Variants in RPH3A observed in about 807,000 individuals in gnomAD.
RPH3A encodes the protein rabphilin-3A.
Under a neutral mutation model 102.2 loss-of-function variants are expected in RPH3A, and 48 were observed. The observed-to-expected ratio is 0.47, with a 90% confidence interval of 0.37 to 0.60. The LOEUF (loss-of-function observed/expected upper bound fraction) is 0.60, where lower values mean the gene tolerates loss of function less well. RPH3A is among the 20% of genes least tolerant of loss of function. RPH3A has a pLI of 0.00. For missense variants in RPH3A, 781 were observed against 910.1 expected, an observed-to-expected ratio of 0.86 and a Z score of 1.83; for synonymous variants, 310 against 324.3, an observed-to-expected ratio of 0.96 and a Z score of 0.47.
At chr12:112,847,946 T>G in intron 5 of RPH3A, 104 bp downstream of exon 5, 1 of 1,327,946 alleles carries the variant, frequency 7.5e-7, no homozygotes, top group Non-Finnish European at 1.0e-6. Flanking sequence ...GGGCTGCCTC[T>G]GGGCTTTGCC....
chr12:112,586,292 G>T (rs2039438830), intron 1 of RPH3A, among the ~76,000 whole-genome samples: 1 of 152,150 alleles, frequency 6.6e-6, no homozygotes. Flanking sequence ...TCTTCTACCT[G>T]CAGGGAAGGC....
chr12:112,631,880 C>T (rs1365796120), intron 1 of RPH3A, among the ~76,000 whole-genome samples: 1 of 152,102 alleles, frequency 6.6e-6, no homozygotes, highest in Non-Finnish European at 1.5e-5. Context: ...GGATATATTG[C>T]ATATGGTGAA....
chr12:112,789,188 G>A (rs113048523), upstream of RPH3A, among the ~76,000 whole-genome samples: 7,087 of 152,184 alleles, frequency 0.047, 208 homozygotes, highest in Middle Eastern at 0.071. Flanking sequence ...TTTATTGAGG[G>A]TTTCCTATGT....
intron 1 of RPH3A, among the ~76,000 whole-genome samples, chr12:112,758,622 C>T (rs1277767781): frequency 1.3e-5 from 2 of 152,168 alleles, no homozygotes; most frequent in African/African-American, 4.8e-5. Flanking sequence ...CATAATTTTA[C>T]CAATAAATGA....
chr12:112,731,085 G>T (rs2040630611), intron 1 of RPH3A, among the ~76,000 whole-genome samples: 1 of 152,160 alleles, frequency 6.6e-6, no homozygotes, highest in African/African-American at 2.4e-5. Flanking sequence ...TGTTAGAGTT[G>T]GCTGTGTTTT....
In RPH3A at chr12:112,755,379, G is replaced by A. The variant is rs549767626; in HGVS notation, c.-139-36764G>A. ...TTGTTAAATACACACATATGTGTCC[G>A]TTTAAGTACTGTTGAGTTATTGGCC... is the stretch of plus-strand genomic sequence containing the variant. On this transcript the variant is annotated intron_variant, in intron 1 of 21. Transcript: ENST00000543106. Among the ~76,000 whole-genome samples the A allele has an allele frequency of 1.3e-3, 197 of 151,418 alleles. 10 individuals carry two copies. The South Asian group carries it at 0.04, about 31-fold the overall frequency.
chr12:112,875,631 AT>A, intron 11 of RPH3A, 47 bp from the exon 12 acceptor site: 1 of 1,520,562 alleles, frequency 6.6e-7, no homozygotes, highest in Non-Finnish European at 9.1e-7. Flanking sequence ...CCCCCAAATG[AT>A]GCCACCCTCT....
chr12:112,683,181 AC>A (rs1165860101), intron 1 of RPH3A, among the ~76,000 whole-genome samples: 22 of 152,142 alleles, frequency 1.4e-4, no homozygotes, highest in Non-Finnish European at 2.6e-4. Context: ...GGGGGTGGTT[AC>A]GGGCCGAACT....
chr12:112,845,541 A>T (rs1484433126), intron 4 of RPH3A, among the ~76,000 whole-genome samples: 1 of 152,222 alleles, frequency 6.6e-6, no homozygotes, highest in Non-Finnish European at 1.5e-5. Context: ...CACCAGGATC[A>T]CAATGAATTC....
chr12:112,889,308 C>T (rs1393491717), intron 17 of RPH3A, among the ~76,000 whole-genome samples: 1 of 152,224 alleles, frequency 6.6e-6, no homozygotes, highest in East Asian at 1.9e-4. Context: ...ATGGCCAGGC[C>T]CTTGCCTGTG....
At chr12:112,592,769 C>T (rs2039488884) in intron 1 of RPH3A, among the ~76,000 whole-genome samples, 1 of 152,194 alleles carries the variant, frequency 6.6e-6, no homozygotes, top group Non-Finnish European at 1.5e-5. Flanking sequence ...AATAATGTTC[C>T]TCAGGTGGTC....
intron 1 of RPH3A, among the ~76,000 whole-genome samples, chr12:112,662,174 G>A (rs971739746): frequency 1.3e-5 from 2 of 152,120 alleles, no homozygotes; most frequent in Admixed American, 6.5e-5. Flanking sequence ...GGTCTACCAC[G>A]TATTGAGTGC....
intron 1 of RPH3A, among the ~76,000 whole-genome samples, chr12:112,775,241 T>G (rs1284993669): frequency 6.6e-6 from 1 of 152,094 alleles, no homozygotes; most frequent in African/African-American, 2.4e-5. Context: ...AAAAAAAAGT[T>G]TGGAAAAAAC....
chr12:112,609,323 C>T (rs2039621077), intron 1 of RPH3A, among the ~76,000 whole-genome samples: 1 of 152,180 alleles, frequency 6.6e-6, no homozygotes, highest in African/African-American at 2.4e-5. Context: ...CCATCTTAGC[C>T]TCCTCAGTAG....
chr12:112,865,619 G>A, intron 6 of RPH3A, 76 bp downstream of exon 6: 1 of 1,492,850 alleles, frequency 6.7e-7, no homozygotes, highest in Non-Finnish European at 9.0e-7. Flanking sequence ...AGCTGTAGGG[G>A]TCACTGGGTC....
intron 1 of RPH3A, among the ~76,000 whole-genome samples, chr12:112,675,496 T>C (rs1330640094): frequency 6.6e-6 from 1 of 152,214 alleles, no homozygotes; most frequent in African/African-American, 2.4e-5. Context: ...GTGAGAAAAC[T>C]GAGACATAAG....
At chr12:112,884,341 C>G (rs1256414360) in intron 16 of RPH3A, among the ~76,000 whole-genome samples, 1 of 152,166 alleles carries the variant, frequency 6.6e-6, no homozygotes, top group Non-Finnish European at 1.5e-5. Flanking sequence ...TATCTCCCAC[C>G]CTGTCCTGTC....
At position 112,656,806 on chromosome 12, in the gene RPH3A, T is replaced by C. The variant is rs1566245376; in HGVS notation, c.-140+81487T>C. Among the ~76,000 whole-genome samples, 4 of 151,774 alleles carry C rather than the reference T, an allele frequency of 2.6e-5. No individual in the cohort carries two copies. The South Asian group carries it at 8.3e-4, about 31-fold the overall frequency. On this transcript the variant is annotated intron_variant, in intron 1 of 21. Transcript: ENST00000543106. ...CACGGTGTGTGTGTGTATATATATA[T>C]ACATATATATATATATCTCCACATT...
chr12:112,687,495 T>C (rs916825197), intron 1 of RPH3A, among the ~76,000 whole-genome samples: 115 of 152,300 alleles, frequency 7.6e-4, no homozygotes, highest in Non-Finnish European at 8.1e-4. Context: ...CAAAGGAGGC[T>C]GGGGACATGA....
Sources: gnomAD v4.1 joint callset for allele counts (sites outside exome capture counted in the v4.1 genomes callset) on GRCh38, gnomAD v4.1.1 for gene constraint, MANE v1.5 for transcripts, NCBI Gene and HGNC (gene_info 2026-07-23, HGNC 2026-07-21) for gene names.